Variants in DCUN1D4 observed in about 807,000 individuals in gnomAD.
DCUN1D4 encodes DCN1-like protein 4.
DCUN1D4 carries 22 observed loss-of-function variants against 47.9 expected under a neutral mutation model. The ratio of observed to expected loss-of-function variants is 0.46; its 90% CI spans 0.33 to 0.66. The LOEUF (loss-of-function observed/expected upper bound fraction) is 0.66. Ranked by LOEUF, DCUN1D4 falls within the 30% of genes least tolerant of loss-of-function variation. The pLI is 0.02. For synonymous variants in DCUN1D4, 121 were observed against 112.2 expected (o/e 1.08, Z -0.50); for missense variants, 301 against 340.8 (o/e 0.88, Z 0.92).
At chr4:51,888,382 C>T (rs1189450075) in intron 6 of DCUN1D4, among the ~76,000 whole-genome samples, 1 of 152,146 alleles carries the variant, frequency 6.6e-6, no homozygotes, top group African/African-American at 2.4e-5. Flanking sequence ...TCCTCACCCC[C>T]AAATACCAGT....
intron 5 of DCUN1D4, 54 bp downstream of exon 5, chr4:51,877,908 CT>C: frequency 8.3e-7 from 1 of 1,211,800 alleles, no homozygotes. Flanking sequence ...TAAGGAGTAC[CT>C]TAGAGATGAT....
chr4:51,899,803 C>T (rs977291664), intron 8 of DCUN1D4, among the ~76,000 whole-genome samples: 3 of 152,170 alleles, frequency 2.0e-5, no homozygotes, highest in Non-Finnish European at 4.4e-5. Flanking sequence ...GAATTTTAGA[C>T]GTAAGCTAAT....
intron 5 of DCUN1D4, among the ~76,000 whole-genome samples, chr4:51,878,139 A>G (rs980873140): frequency 2.0e-5 from 3 of 152,202 alleles, no homozygotes; most frequent in African/African-American, 4.8e-5. Context: ...GAATGCTGAT[A>G]ATGGGTGATT....
intron 1 of DCUN1D4, among the ~76,000 whole-genome samples, chr4:51,846,194 T>G (rs1359603038): frequency 6.6e-6 from 1 of 152,192 alleles, no homozygotes; most frequent in Non-Finnish European, 1.5e-5. Context: ...CACTTTCTGC[T>G]CTGGTTTTTA....
At chr4:51,859,260 T>A (rs1724634556) in intron 1 of DCUN1D4, among the ~76,000 whole-genome samples, 1 of 152,226 alleles carries the variant, frequency 6.6e-6, no homozygotes. Flanking sequence ...TTGTTCATTC[T>A]GAACAATAAA....
chr4:51,873,176 G>A (rs532381602), intron 3 of DCUN1D4, among the ~76,000 whole-genome samples: 18 of 152,286 alleles, frequency 1.2e-4, no homozygotes, highest in African/African-American at 4.3e-4. Flanking sequence ...AGAGCCCTGG[G>A]CCTTCAACCA....
chr4:51,842,754 A>G (rs1176383421), upstream of DCUN1D4, among the ~76,000 whole-genome samples: 1 of 151,704 alleles, frequency 6.6e-6, no homozygotes, highest in Non-Finnish European at 1.5e-5. Flanking sequence ...TCTTTGGGAA[A>G]CACTTCGCGT....
At chr4:51,895,754 CAA>C (rs1315699309) in intron 7 of DCUN1D4, among the ~76,000 whole-genome samples, 1 of 152,072 alleles carries the variant, frequency 6.6e-6, no homozygotes, top group Non-Finnish European at 1.5e-5. Context: ...GTTAGAGCAG[CAA>C]ACTCAAAAAG....
At chr4:51,850,884 A>G (rs749199731) in intron 1 of DCUN1D4, among the ~76,000 whole-genome samples, 7 of 152,162 alleles carry the variant, frequency 4.6e-5, no homozygotes, top group Non-Finnish European at 8.8e-5. Context: ...ATACAAATGC[A>G]GAAGCTCAGA....
chr4:51,856,049 G>A (rs1724089363), intron 1 of DCUN1D4, among the ~76,000 whole-genome samples: 1 of 152,202 alleles, frequency 6.6e-6, no homozygotes, highest in Non-Finnish European at 1.5e-5. Context: ...CCCAGTTAGA[G>A]AGGCAGATCC....
At chr4:51,838,667 G>A (rs1321893673), upstream of DCUN1D4, among the ~76,000 whole-genome samples, 1 of 152,174 alleles carries the variant, frequency 6.6e-6, no homozygotes, top group African/African-American at 2.4e-5. Flanking sequence ...TCAGGCATGA[G>A]CCACCATGCC....
chr4:51,881,448 G>T (rs1279359786), intron 5 of DCUN1D4, among the ~76,000 whole-genome samples: 1 of 152,074 alleles, frequency 6.6e-6, no homozygotes, highest in East Asian at 1.9e-4. Context: ...GACCATGTGG[G>T]CCCCATTTGC....
chr4:51,860,033 C>G (rs1364277864), intron 1 of DCUN1D4, among the ~76,000 whole-genome samples: 2 of 152,172 alleles, frequency 1.3e-5, no homozygotes, highest in Admixed American at 6.5e-5. Context: ...AGGGCTATTA[C>G]TTGCCATGAG....
At chr4:51,908,593 A>AT (rs769448543) in intron 8 of DCUN1D4, among the ~76,000 whole-genome samples, 6,607 of 147,024 alleles carry the variant, frequency 0.045, 222 homozygotes, top group Non-Finnish European at 0.063. Flanking sequence ...TGTTACGGTG[A>AT]TTTTTTTTTT....
chr4:51,878,928 C>T (rs1728110698), intron 5 of DCUN1D4, among the ~76,000 whole-genome samples: 2 of 152,156 alleles, frequency 1.3e-5, no homozygotes, highest in South Asian at 4.1e-4. Context: ...TGATAAGAGC[C>T]TTGCCCCTGT....
At chr4:51,855,400 A>G (rs1723980166) in intron 1 of DCUN1D4, among the ~76,000 whole-genome samples, 1 of 152,210 alleles carries the variant, frequency 6.6e-6, no homozygotes, top group African/African-American at 2.4e-5. Flanking sequence ...AAAGCTTTTA[A>G]TATCAGGAAG....
chr4:51,876,676 A>G (rs999642194), intron 4 of DCUN1D4, among the ~76,000 whole-genome samples: 3 of 152,112 alleles, frequency 2.0e-5, no homozygotes, highest in South Asian at 2.1e-4. Flanking sequence ...AAAATATACT[A>G]TTGAGGGATG....
At chr4:51,893,969 C>T (rs944729234) in intron 7 of DCUN1D4, among the ~76,000 whole-genome samples, 3 of 152,166 alleles carry the variant, frequency 2.0e-5, no homozygotes, top group East Asian at 1.9e-4. Flanking sequence ...TTTGAGGGCC[C>T]TATCTCCTGG....
At chr4:51,910,361 G>C (rs1281632622) in intron 8 of DCUN1D4, among the ~76,000 whole-genome samples, 1 of 151,958 alleles carries the variant, frequency 6.6e-6, no homozygotes, top group Non-Finnish European at 1.5e-5. Context: ...CTTTTTTTCT[G>C]GTGTCCTTAT....
Sources: gnomAD v4.1 joint callset for allele counts (sites outside exome capture counted in the v4.1 genomes callset) on GRCh38, gnomAD v4.1.1 for gene constraint, MANE v1.5 for transcripts, NCBI Gene and HGNC (gene_info 2026-07-23, HGNC 2026-07-21) for gene names.